Variants in SUCO observed in about 807,000 individuals in gnomAD.
The protein encoded by SUCO is SUN domain containing ossification factor.
Under a neutral mutation model 148.1 loss-of-function variants are expected in SUCO, and 57 were observed. That is an observed-to-expected ratio of 0.38 (90% CI 0.31 to 0.48). SUCO has a LOEUF of 0.48. Among genes scored for constraint, SUCO ranks in the 20% least tolerant of loss-of-function variants. The pLI is 0.96. For missense variants in SUCO, 1,331 were observed against 1,468.2 expected (o/e 0.91, Z 1.53); for synonymous variants, 470 against 502.7 (o/e 0.93, Z 0.87).
intron 1 of SUCO, among the ~76,000 whole-genome samples, chr1:172,546,536 G>A (rs553943179): frequency 2.0e-5 from 3 of 152,168 alleles, no homozygotes; most frequent in South Asian, 2.1e-4. Context: ...GCTAAGAGGC[G>A]CAGGCTTCAG....
intron 19 of SUCO, 74 bp from the exon 20 acceptor site, chr1:172,599,990 A>T: frequency 9.9e-7 from 1 of 1,009,026 alleles, no homozygotes; most frequent in Non-Finnish European, 1.4e-6. Context: ...TTTTTTTTAG[A>T]TTATTTGACT....
chr1:172,575,374 TTAAATG>T (rs1277096173), intron 10 of SUCO, 138 bp from the exon 11 acceptor site: 1 of 557,236 alleles, frequency 1.8e-6, no homozygotes, highest in South Asian at 2.5e-5. Flanking sequence ...AGAAAATGTA[TTAAATG>T]TATGTATTTA....
chr1:172,610,168 G>A lies in SUCO; in HGVS notation c.3674G>A (p.Gly1225Glu), dbSNP rs765614487. The part of the protein sequence containing the change: ...LIKTLIQTKS[G>E]SLPSLHDIIK... ...AAAACTCTAATACAGACTAAGTCGG[G>A]ATCATTGCCGAGCCTGCATGACATA... The change falls in exon 24 of 24, where the codon GGA (glycine) becomes GAA (glutamate). Residue 1225 changes from glycine (G) to glutamate (E), a missense_variant. Physicochemically the swap from Gly to Glu is moderately conservative, Grantham distance 98. Transcript: ENST00000263688. The A allele has an allele frequency of 6.2e-7, 1 of 1,613,552 alleles. No homozygotes were observed. The highest frequency in any genetic ancestry group is 8.5e-7 in the Non-Finnish European group (1 of 1,179,804).
In SUCO at chr1:172,584,498, C is replaced by T. The variant is rs370130326; in HGVS notation, c.1499-520C>T. The T allele has an allele frequency of 6.5e-5, 15 of 229,214 alleles. No individual in the cohort carries two copies. In the East Asian group the frequency reaches 1.8e-3, roughly 28 times the overall value. 14.2% of individuals were successfully genotyped at this position (229,214 alleles called of 1,614,324 possible). ...CAAGAAAAGTATATTTAAGGCCAGG[C>T]GCGGTGGCTAACAGCTGTAATCCTA... On this transcript the variant is annotated intron_variant, in intron 15 of 23. Coordinates refer to ENST00000263688, the MANE Select transcript of SUCO (RefSeq NM_014283.5).
At chr1:172,554,433 T>C (rs1421978066) in intron 3 of SUCO, among the ~76,000 whole-genome samples, 1 of 152,206 alleles carries the variant, frequency 6.6e-6, no homozygotes, top group Non-Finnish European at 1.5e-5. Flanking sequence ...CTAGTCCAAA[T>C]TGAAATTTAC....
chr1:172,599,832 CAAAA>C (rs1657382207), intron 19 of SUCO, among the ~76,000 whole-genome samples: 1 of 152,060 alleles, frequency 6.6e-6, no homozygotes, highest in Admixed American at 6.6e-5. Flanking sequence ...CAGTGGGTGA[CAAAA>C]ATAAATAAAT....
Position 172,557,569 on chromosome 1 carries a change from C to A in SUCO, c.582-75C>A, listed in dbSNP as rs73034011. On this transcript the variant is annotated intron_variant, in intron 5 of 23. Coordinates refer to ENST00000263688, the MANE Select transcript of SUCO (RefSeq NM_014283.5). ...CCTTGGTTTACTTTGTGCATGAGTTCAAAGAATTTAGATTGTATAGAATTT... is the reference window on the plus strand; with the variant it reads ...CCTTGGTTTACTTTGTGCATGAGTTAAAAGAATTTAGATTGTATAGAATTT... 15,998 of 1,477,788 alleles carry A rather than the reference C, an allele frequency of 0.011. 1,114 individuals are homozygous for A. The African/African-American group carries it at 0.17, about 16-fold the overall frequency. 91.5% of individuals were successfully genotyped at this position (1,477,788 alleles called of 1,614,324 possible). A position where few individuals can be genotyped will look rare whatever the true frequency, so the allele number is the denominator to read the frequency against.
chr1:172,561,508 A>G (rs1347894928), intron 6 of SUCO, among the ~76,000 whole-genome samples: 2 of 152,130 alleles, frequency 1.3e-5, no homozygotes. Context: ...TTATGTTTCT[A>G]CCCACACCAG....
intron 4 of SUCO, chr1:172,556,892 A>G: frequency 1.1e-6 from 1 of 928,936 alleles, no homozygotes; most frequent in African/African-American, 1.8e-5. Flanking sequence ...GAAGGTTTAT[A>G]TTTTAAAAAC....
chr1:172,532,895 C>G (rs1651693844), upstream of SUCO: 4 of 1,447,732 alleles, frequency 2.8e-6, no homozygotes, highest in South Asian at 1.4e-5. Context: ...GCGGGCGGAG[C>G]GGCGAGAGCA....
Position 172,558,144 on chromosome 1 carries a change from T to G in SUCO, c.732+350T>G, listed in dbSNP as rs533818549. Among the ~76,000 whole-genome samples, 3 of 152,350 alleles carry G rather than the reference T, an allele frequency of 2.0e-5. No homozygotes were observed. In the East Asian group the frequency reaches 5.8e-4, roughly 29 times the overall value. On this transcript the variant is annotated intron_variant, in intron 6 of 23. Transcript: ENST00000263688. ...TATGACTAATTACATTTAATTATCT[T>G]CAGAATACAAGTTAATAATACAAGA...
intron 10 of SUCO, 125 bp downstream of exon 10, chr1:172,574,123 T>C (rs1228641850): frequency 1.6e-6 from 1 of 627,260 alleles, no homozygotes; most frequent in Non-Finnish European, 2.8e-6. Flanking sequence ...CAGTTTGTAA[T>C]AACAACGATA....
chr1:172,580,960 A>G (rs897798078), intron 15 of SUCO, among the ~76,000 whole-genome samples: 3 of 54 alleles, frequency 0.056, no homozygotes, highest in Non-Finnish European at 0.088. Flanking sequence ...AAATTAGCCA[A>G]GCATGGTGCG....
chr1:172,587,975 A>C, intron 17 of SUCO: 1 of 533,814 alleles, frequency 1.9e-6, no homozygotes, highest in Non-Finnish European at 2.4e-6. Flanking sequence ...CATACTCCAC[A>C]GCCTCAAAAT....
In SUCO at chr1:172,573,867, A is replaced by G. The variant is rs1318138042; in HGVS notation, c.1050-24A>G. ...AACTGTTATTTTGATTGGTTTAAGT[A>G]ATTGTCTTTTGTTCTTTTTGAAGGT... On this transcript the variant is annotated intron_variant, in intron 9 of 23. Transcript: ENST00000263688. 4 of 1,311,646 alleles carry G rather than the reference A, an allele frequency of 3.0e-6. No individual in the cohort carries two copies. In the East Asian group the frequency reaches 6.9e-5, roughly 23 times the overall value. 81.3% of individuals were successfully genotyped at this position (1,311,646 alleles called of 1,614,324 possible).
In SUCO at chr1:172,572,063, G is replaced by A. The variant is rs1319083318; in HGVS notation, c.1049+1333G>A. On this transcript the variant is annotated intron_variant, in intron 9 of 23. Coordinates refer to ENST00000263688, the MANE Select transcript of SUCO (RefSeq NM_014283.5). Reference sequence around the variant, plus strand: ...AGCCCCCCGCCCGGCCAGCCGCCCCGTCCGGGAGGGAGGTGGGGGGTCAGC... The same window carrying A: ...AGCCCCCCGCCCGGCCAGCCGCCCCATCCGGGAGGGAGGTGGGGGGTCAGC... Among the ~76,000 whole-genome samples, 4 of 61,906 alleles carry A rather than the reference G, an allele frequency of 6.5e-5. 1 individual carries two copies. Among genetic ancestry groups the A allele is most frequent in the South Asian group, 1.5e-3 (2 of 1,378 alleles). The allele number at this position is 61,906 out of a possible 152,430, so 40.6% of individuals were successfully genotyped here. A position where few individuals can be genotyped will look rare whatever the true frequency, so the allele number is the denominator to read the frequency against.
chr1:172,595,582 T>A (rs186479761), intron 19 of SUCO, among the ~76,000 whole-genome samples: 1 of 152,210 alleles, frequency 6.6e-6, no homozygotes, highest in Non-Finnish European at 1.5e-5. Context: ...AATTCCTTTC[T>A]TTAAGAATGT....
intron 3 of SUCO, among the ~76,000 whole-genome samples, chr1:172,553,793 A>G (rs1159100939): frequency 6.6e-6 from 1 of 152,182 alleles, no homozygotes; most frequent in Admixed American, 6.5e-5. Flanking sequence ...ATAGATCAAA[A>G]TATGTTTTTT....
In SUCO at chr1:172,555,432, C is replaced by T. The variant is rs368349713; in HGVS notation, c.289-437C>T. On this transcript the variant is annotated intron_variant, in intron 3 of 23. Coordinates refer to ENST00000263688, the MANE Select transcript of SUCO (RefSeq NM_014283.5). ...AAGGAGCAGTAAGAATCATTTATTG[C>T]TTCATGGTGTTACTTGAACATATCT... 8 of 984,678 alleles carry T rather than the reference C, an allele frequency of 8.1e-6. No homozygotes were observed. The East Asian group carries it at 5.7e-4, about 70-fold the overall frequency. 61.0% of individuals were successfully genotyped at this position (984,678 alleles called of 1,614,324 possible).
Sources: gnomAD v4.1 joint callset for allele counts (sites outside exome capture counted in the v4.1 genomes callset) on GRCh38, gnomAD v4.1.1 for gene constraint, MANE v1.5 for transcripts, NCBI Gene and HGNC (gene_info 2026-07-23, HGNC 2026-07-21) for gene names.